The following TMEFF2 variants were observed in gnomAD, a reference collection of about 807,000 sequenced individuals.
TMEFF2 encodes transmembrane protein with EGF like and two follistatin like domains 2.
Under a neutral mutation model 53.8 loss-of-function variants are expected in TMEFF2, and 28 were observed. That is an observed-to-expected ratio of 0.52 (90% CI 0.39 to 0.71). The LOEUF (loss-of-function observed/expected upper bound fraction) is 0.71. Ranked by LOEUF, TMEFF2 falls within the 30% of genes least tolerant of loss-of-function variation. The pLI, the probability that TMEFF2 is intolerant of heterozygous loss-of-function variation, is 0.00. For synonymous variants in TMEFF2, 162 were observed against 166.3 expected (o/e 0.97, Z 0.20); for missense variants, 353 against 455.2 (o/e 0.78, Z 2.04).
chr2:192,073,919 C>G (rs1208840176), intron 4 of TMEFF2, among the ~76,000 whole-genome samples: 2 of 151,812 alleles, frequency 1.3e-5, no homozygotes, highest in Non-Finnish European at 2.9e-5. Context: ...ATAGAAACAC[C>G]ATACATAAAA....
rs185805236 is a variant in TMEFF2, at chr2:192,031,067, C to T, written c.536+26612G>A. On this transcript the variant is annotated intron_variant, in intron 5 of 9. Coordinates refer to ENST00000272771, the MANE Select transcript of TMEFF2 (RefSeq NM_016192.4). The stretch of plus-strand genomic sequence containing the variant: ...CTGATAGTCATAGGGTTTGTTTCCT[C>T]ATCTCCTTCACATTTTTACTAAAAT... Among the ~76,000 whole-genome samples, 188 of 152,202 alleles carry T rather than the reference C, an allele frequency of 1.2e-3. 1 individual carries two copies. The highest frequency in any genetic ancestry group is 1.6e-3 in the Non-Finnish European group (108 of 68,004).
At chr2:192,036,143 C>T (rs1401349506) in intron 5 of TMEFF2, 3 of 152,176 alleles carry the variant, frequency 2.0e-5, no homozygotes, top group Admixed American at 6.5e-5. Flanking sequence ...TACTCAAGAC[C>T]TAAGTGTTTT....
At chr2:192,119,097 TAA>T (rs922363856) in intron 4 of TMEFF2, among the ~76,000 whole-genome samples, 2 of 152,294 alleles carry the variant, frequency 1.3e-5, no homozygotes, top group African/African-American at 4.8e-5. Context: ...AGCCAATGAA[TAA>T]ATATTTTAGG....
At chr2:191,998,355 A>G (rs762512636) in intron 6 of TMEFF2, 34 bp from the exon 7 acceptor site, 1 of 1,422,066 alleles carries the variant, frequency 7.0e-7, no homozygotes, top group Non-Finnish European at 9.8e-7. Flanking sequence ...AAATTGATTA[A>G]CTGCTTCCTA....
chr2:191,974,714 T>C (rs894200550), intron 7 of TMEFF2, among the ~76,000 whole-genome samples: 2 of 152,148 alleles, frequency 1.3e-5, no homozygotes, highest in African/African-American at 4.8e-5. Context: ...GCCATGTCTA[T>C]AAAAGCTGCT....
intron 4 of TMEFF2, among the ~76,000 whole-genome samples, chr2:192,131,693 G>C (rs1689835050): frequency 1.3e-5 from 2 of 151,964 alleles, no homozygotes; most frequent in Admixed American, 1.3e-4. Flanking sequence ...CTTCACTATG[G>C]GCAAGCTTCC....
rs1040228188 is a variant in TMEFF2, at chr2:192,023,611, A to T, written c.537-24403T>A. Among the ~76,000 whole-genome samples the T allele has an allele frequency of 6.6e-5, 10 of 152,166 alleles. No homozygotes were observed. In the East Asian group the frequency reaches 1.9e-3, roughly 29 times the overall value. ...GCAGACAAAGAAATGGAGGGTGTTG[A>T]TTAAATTTTTAAGTCCAGTTTTATT... is the stretch of plus-strand genomic sequence containing the variant. On this transcript the variant is annotated intron_variant, in intron 5 of 9. Coordinates refer to ENST00000272771, the MANE Select transcript of TMEFF2 (RefSeq NM_016192.4).
intron 4 of TMEFF2, among the ~76,000 whole-genome samples, chr2:192,136,771 C>T (rs1414101853): frequency 1.3e-5 from 2 of 152,198 alleles, no homozygotes; most frequent in East Asian, 1.9e-4. Context: ...ATATTTGACA[C>T]CTGTTTCCAT....
chr2:192,169,471 G>C (rs1478804029), intron 4 of TMEFF2, among the ~76,000 whole-genome samples: 1 of 152,064 alleles, frequency 6.6e-6, no homozygotes, highest in Non-Finnish European at 1.5e-5. Context: ...AACCAGTTCT[G>C]GTGGTCTTTG....
chr2:192,083,953 G>A (rs963021572), intron 4 of TMEFF2, among the ~76,000 whole-genome samples: 2 of 152,040 alleles, frequency 1.3e-5, no homozygotes, highest in Non-Finnish European at 2.9e-5. Flanking sequence ...GGTTCCAGGA[G>A]TTTGAAAAAT....
chr2:191,951,123 C>A, intron 9 of TMEFF2, among the ~76,000 whole-genome samples: 1 of 151,812 alleles, frequency 6.6e-6, no homozygotes, highest in Non-Finnish European at 1.5e-5. Context: ...AATATACATA[C>A]ACATATATAT....
At chr2:192,081,199 G>A (rs1688545115) in intron 4 of TMEFF2, among the ~76,000 whole-genome samples, 2 of 152,128 alleles carry the variant, frequency 1.3e-5, no homozygotes, top group Non-Finnish European at 2.9e-5. Context: ...ATAGCTTATT[G>A]GTTTACCACA....
intron 4 of TMEFF2, among the ~76,000 whole-genome samples, chr2:192,082,933 C>T (rs1038615248): frequency 1.3e-5 from 2 of 148,212 alleles, no homozygotes; most frequent in Admixed American, 1.4e-4. Context: ...TGGAATGTGT[C>T]GACATCAACA....
chr2:192,073,998 C>T (rs892841216), intron 4 of TMEFF2, among the ~76,000 whole-genome samples: 1 of 151,876 alleles, frequency 6.6e-6, no homozygotes, highest in Admixed American at 6.6e-5. Context: ...CTCAAGGTTT[C>T]TTATCACAAA....
chr2:192,133,846 C>T (rs1007227448), intron 4 of TMEFF2, among the ~76,000 whole-genome samples: 2 of 152,196 alleles, frequency 1.3e-5, no homozygotes, highest in African/African-American at 4.8e-5. Context: ...TTACCTATCT[C>T]GGCATAATTC....
intron 5 of TMEFF2, among the ~76,000 whole-genome samples, chr2:192,050,325 G>A (rs972097426): frequency 1.1e-4 from 17 of 152,132 alleles, no homozygotes; most frequent in African/African-American, 3.4e-4. Context: ...GTTGAGGTAT[G>A]GATACAGAGA....
Position 191,999,119 on chromosome 2 carries a change from T to C in TMEFF2, c.626A>G (p.Lys209Arg). 2 of 1,612,564 alleles carry C rather than the reference T, an allele frequency of 1.2e-6. No individual in the cohort carries two copies. The highest frequency in any genetic ancestry group is 1.7e-6 in the Non-Finnish European group (2 of 1,178,850). ...GKSYDNACQI[K>R]EASCQKQEKI... ...CTCCTGTTTCTGACACGATGCTTCT[T>C]TGATTTGGCATGCATTATCATAAGA... The change falls in exon 6 of 10, where the codon AAA (lysine) becomes AGA (arginine). Residue 209 changes from lysine to arginine, a missense_variant. By Grantham distance (26) the Lys-to-Arg change is conservative. Transcript: ENST00000272771.
intron 5 of TMEFF2, among the ~76,000 whole-genome samples, chr2:192,027,419 A>C (rs1271807925): frequency 6.6e-6 from 1 of 152,238 alleles, no homozygotes; most frequent in Non-Finnish European, 1.5e-5. Context: ...CGCTATCCTT[A>C]AGGAGATTAT....
chr2:192,173,432 T>A (rs983081446), intron 4 of TMEFF2, among the ~76,000 whole-genome samples: 7 of 151,788 alleles, frequency 4.6e-5, no homozygotes, highest in African/African-American at 1.7e-4. Context: ...AATCTTCCCA[T>A]CAATTTTGAA....
Sources: allele counts gnomAD v4.1 joint callset (sites outside exome capture counted in the v4.1 genomes callset), GRCh38; gene constraint gnomAD v4.1.1; transcripts MANE v1.5; gene names NCBI Gene and HGNC (gene_info 2026-07-23, HGNC 2026-07-21).